Variants in ETV6 observed in about 807,000 individuals in gnomAD.
ETV6 encodes ETS variant transcription factor 6.
A neutral mutation model predicts 51.1 loss-of-function variants in ETV6; 16 were observed. The observed-to-expected ratio is 0.31, with a 90% CI of 0.21 to 0.48. ETV6 has a LOEUF of 0.48. ETV6 is among the 20% of genes least tolerant of loss of function. ETV6 has a pLI of 0.99. For missense variants in ETV6, 458 were observed against 594.8 expected (o/e 0.77, Z 2.39); for synonymous variants, 240 against 224.1 (o/e 1.07, Z -0.64).
intron 6 of ETV6, 56 bp downstream of exon 6, chr12:11,884,643 C>G (rs1158543822): frequency 6.3e-6 from 10 of 1,598,812 alleles, no homozygotes; most frequent in Non-Finnish European, 8.6e-6. Context: ...AAGTCCTTAT[C>G]CCTGGATTGG....
chr12:11,795,906 C>T (rs1394369847), intron 2 of ETV6, among the ~76,000 whole-genome samples: 1 of 152,154 alleles, frequency 6.6e-6, no homozygotes, highest in African/African-American at 2.4e-5. Flanking sequence ...GTGTCTGTCA[C>T]ACAGCAAGGA....
chr12:11,701,515 G>A (rs940390051), intron 1 of ETV6, among the ~76,000 whole-genome samples: 8 of 152,200 alleles, frequency 5.3e-5, no homozygotes, highest in Non-Finnish European at 1.0e-4. Flanking sequence ...TTTAGTCTCT[G>A]TAGCCAGAGG....
chr12:11,776,635 G>A lies in ETV6; in HGVS notation c.163+24056G>A, dbSNP rs143919855. Among the ~76,000 whole-genome samples the A allele has an allele frequency of 6.3e-3, 963 of 152,268 alleles. 9 individuals are homozygous for A. The highest frequency in any genetic ancestry group is 0.022 in the African/African-American group (914 of 41,552). ...TCTGACACACCTGGTCACTCCAAAC[G>A]TTCAGCACTTCACATGGGAGGCTAC... On this transcript the variant is annotated intron_variant, in intron 2 of 7. Transcript: ENST00000396373.
chr12:11,777,393 G>T (rs1261782878), intron 2 of ETV6, among the ~76,000 whole-genome samples: 2 of 151,810 alleles, frequency 1.3e-5, no homozygotes, highest in Non-Finnish European at 2.9e-5. Flanking sequence ...AGTTATTGTG[G>T]TTATCTCTAG....
intron 1 of ETV6, among the ~76,000 whole-genome samples, chr12:11,673,644 C>G (rs1486883875): frequency 1.3e-5 from 2 of 152,136 alleles, no homozygotes; most frequent in African/African-American, 4.8e-5. Flanking sequence ...CTACTAGGCC[C>G]TCCGAATGTC....
rs146980784 is a variant in ETV6 at position 11,742,416 on chromosome 12, A to T, written c.34-10034A>T. ...TCCTAAGAATCAGGAAATTTCTATGATATTTGACAAGTATAGGTAGAAATT... is the reference window on the plus strand; with the variant it reads ...TCCTAAGAATCAGGAAATTTCTATGTTATTTGACAAGTATAGGTAGAAATT... On this transcript the variant is annotated intron_variant, in intron 1 of 7. Transcript: ENST00000396373. Among the ~76,000 whole-genome samples the T allele has an allele frequency of 6.8e-3, 1,033 of 152,340 alleles. 18 individuals carry two copies. The highest frequency in any genetic ancestry group is 0.023 in the African/African-American group (968 of 41,568).
rs1947340790 is a variant in ETV6, at chr12:11,893,807, TATATATATA to T, written c.*2762_*2770del. ...AGATCTCTCATTTTATATATATATATATATATATATATATATATATATATATATATATAT... is the reference window on the plus strand; with the variant it reads ...AGATCTCTCATTTTATATATATATATTATATATATATATATATATATATAT... On this transcript the variant is annotated 3_prime_UTR_variant, in exon 8 of 8. Transcript: ENST00000396373. 1 of 32,316 alleles carries T rather than the reference TATATATATA, an allele frequency of 3.1e-5. No individual in the cohort carries two copies. The highest frequency in any genetic ancestry group is 1.2e-4 in the African/African-American group (1 of 8,496). The allele number at this position is 32,316 out of a possible 1,614,324, so 2.0% of individuals were successfully genotyped here.
chr12:11,859,118 G>GCTTTTTTTTTTTTTTT lies in ETV6; in HGVS notation c.463+5557_463+5558insCTTTTTTTTTTTTTTT, dbSNP rs1565555150. Among the ~76,000 whole-genome samples the GCTTTTTTTTTTTTTTT allele has an allele frequency of 3.1e-3, 130 of 41,800 alleles. 60 individuals are homozygous for GCTTTTTTTTTTTTTTT. Among genetic ancestry groups the GCTTTTTTTTTTTTTTT allele is most frequent in the African/African-American group, 7.1e-3 (102 of 14,398 alleles). The allele number at this position is 41,800 out of a possible 152,430, so 27.4% of individuals were successfully genotyped here. A position where few individuals can be genotyped will look rare whatever the true frequency, so the allele number is the denominator to read the frequency against. ...TAAAGAAGATGAGGTATATGAATCTGGTTTTTTTTTTTTTTTTTTTTTTTT... is the reference window on the plus strand; with the variant it reads ...TAAAGAAGATGAGGTATATGAATCTGCTTTTTTTTTTTTTTTGTTTTTTTTTTTTTTTTTTTTTTTT... On this transcript the variant is annotated intron_variant, in intron 4 of 7. Transcript: ENST00000396373.
At chr12:11,764,449 C>T (rs1199485123) in intron 2 of ETV6, among the ~76,000 whole-genome samples, 6 of 152,202 alleles carry the variant, frequency 3.9e-5, no homozygotes, top group African/African-American at 1.4e-4. Context: ...GTCAGGTCTC[C>T]TCTAGTACAC....
chr12:11,710,802 C>A (rs1865159254), intron 1 of ETV6, among the ~76,000 whole-genome samples: 1 of 152,172 alleles, frequency 6.6e-6, no homozygotes, highest in Admixed American at 6.5e-5. Flanking sequence ...GGCCACAGTT[C>A]CTGAGCCCTA....
At chr12:11,815,950 T>G (rs1349601546) in intron 2 of ETV6, among the ~76,000 whole-genome samples, 1 of 152,180 alleles carries the variant, frequency 6.6e-6, no homozygotes, top group Non-Finnish European at 1.5e-5. Context: ...CGTTTAATCC[T>G]TCCTGGGATG....
chr12:11,659,706 T>G (rs1864064466), intron 1 of ETV6, among the ~76,000 whole-genome samples: 1 of 152,144 alleles, frequency 6.6e-6, no homozygotes, highest in Non-Finnish European at 1.5e-5. Flanking sequence ...GCTCGTAATT[T>G]AAAAAATCGA....
intron 2 of ETV6, among the ~76,000 whole-genome samples, chr12:11,798,356 G>T (rs1463942820): frequency 1.3e-5 from 2 of 152,212 alleles, no homozygotes; most frequent in African/African-American, 4.8e-5. Flanking sequence ...TGGATTATAA[G>T]ATCGGGGGCA....
intron 2 of ETV6, among the ~76,000 whole-genome samples, chr12:11,794,307 C>T (rs771597986): frequency 6.6e-6 from 1 of 152,116 alleles, no homozygotes; most frequent in Non-Finnish European, 1.5e-5. Context: ...CCTATGAAAC[C>T]GACCTCTGCC....
intron 2 of ETV6, chr12:11,752,841 A>G (rs1017518510): frequency 1.5e-5 from 5 of 328,774 alleles, no homozygotes; most frequent in African/African-American, 8.5e-5. Flanking sequence ...CATGCAGTAT[A>G]TGGCAGAGCC....
chr12:11,861,630 C>T (rs1341223531), intron 4 of ETV6, among the ~76,000 whole-genome samples: 1 of 152,188 alleles, frequency 6.6e-6, no homozygotes, highest in African/African-American at 2.4e-5. Flanking sequence ...GCATGAATGA[C>T]TCTCACAAGA....
chr12:11,723,768 C>T (rs1401749272), intron 1 of ETV6, among the ~76,000 whole-genome samples: 1 of 152,136 alleles, frequency 6.6e-6, no homozygotes, highest in South Asian at 2.1e-4. Context: ...TGCAGGGGCC[C>T]ACATGTCAAG....
chr12:11,692,096 T>A (rs1317856427), intron 1 of ETV6, among the ~76,000 whole-genome samples: 1 of 152,166 alleles, frequency 6.6e-6, no homozygotes, highest in Non-Finnish European at 1.5e-5. Context: ...ACATGGGGCC[T>A]TTAAGAGGTG....
rs191847796 is a variant in ETV6, at chr12:11,805,218, C to T, written c.164-33922C>T. Among the ~76,000 whole-genome samples, 18 of 152,230 alleles carry T rather than the reference C, an allele frequency of 1.2e-4. No homozygotes were observed. In the East Asian group the frequency reaches 1.4e-3, roughly 11 times the overall value. On this transcript the variant is annotated intron_variant, in intron 2 of 7. Transcript: ENST00000396373. Reference sequence around the variant, plus strand: ...GTTTTATGAAGTTCTGGTAGGAAAACGAGTTTGTTTATTGGTATCTCCCCC... The same window carrying T: ...GTTTTATGAAGTTCTGGTAGGAAAATGAGTTTGTTTATTGGTATCTCCCCC...
Sources: allele counts gnomAD v4.1 joint callset (sites outside exome capture counted in the v4.1 genomes callset), GRCh38; gene constraint gnomAD v4.1.1; transcripts MANE v1.5; gene names NCBI Gene and HGNC (gene_info 2026-07-23, HGNC 2026-07-21).